Variants in FGGY observed in about 807,000 individuals in gnomAD.
FGGY encodes the protein FGGY carbohydrate kinase domain containing, also known as FGGY carbohydrate kinase domain-containing protein.
In FGGY, 72 loss-of-function variants were observed where a neutral mutation model predicts 71.3. That is an observed-to-expected ratio of 1.01 (90% CI 0.84 to 1.23). The LOEUF (loss-of-function observed/expected upper bound fraction) is 1.23. Ranked by LOEUF, FGGY falls within the 50% of genes most tolerant of loss-of-function variation. The pLI is 0.00. For missense variants in FGGY, 668 were observed against 682.3 expected, an observed-to-expected ratio of 0.98 and a Z score of 0.23; for synonymous variants, 251 against 250.3, an observed-to-expected ratio of 1.00 and a Z score of -0.02.
In FGGY at chr1:59,583,989, T is replaced by C. The variant is rs148019230; in HGVS notation, c.904-23814T>C. On this transcript the variant is annotated intron_variant, in intron 8 of 15. Transcript: ENST00000303721. ...TTTGTTCCTGGACTACTCAGGTGGT[T>C]TAAAAGACCAGGTGAAATTGAGGCA... is the stretch of plus-strand genomic sequence containing the variant. Among the ~76,000 whole-genome samples, 5 of 115,354 alleles carry C rather than the reference T, an allele frequency of 4.3e-5. 1 individual carries two copies. The highest frequency in any genetic ancestry group is 7.4e-5 in the Non-Finnish European group (4 of 54,234). The allele number at this position is 115,354 out of a possible 152,430, so 75.7% of individuals were successfully genotyped here. A position where few individuals can be genotyped will look rare whatever the true frequency, so the allele number is the denominator to read the frequency against.
chr1:59,325,491 C>A (rs1031098423), intron 2 of FGGY, among the ~76,000 whole-genome samples: 12 of 152,230 alleles, frequency 7.9e-5, no homozygotes, highest in East Asian at 1.9e-4. Context: ...GGGTGAGAAG[C>A]CCCTCTCTAC....
At chr1:59,381,665 G>GT (rs902860213) in intron 5 of FGGY, among the ~76,000 whole-genome samples, 4 of 140,470 alleles carry the variant, frequency 2.8e-5, no homozygotes, top group Non-Finnish European at 6.0e-5. Flanking sequence ...GTGTGTGTGT[G>GT]TGTGTATATT....
intron 8 of FGGY, among the ~76,000 whole-genome samples, chr1:59,557,711 G>T (rs1571242173): frequency 6.6e-6 from 1 of 152,290 alleles, no homozygotes; most frequent in East Asian, 1.9e-4. Context: ...CACAGCAGGG[G>T]TTAGCCAGAG....
At chr1:59,760,591 A>C (rs1341922594) in intron 15 of FGGY, among the ~76,000 whole-genome samples, 2 of 152,252 alleles carry the variant, frequency 1.3e-5, no homozygotes, top group African/African-American at 2.4e-5. Flanking sequence ...TGATATGTGC[A>C]TACAATGGAG....
chr1:59,472,375 G>A (rs904848812), intron 6 of FGGY, among the ~76,000 whole-genome samples: 2 of 152,204 alleles, frequency 1.3e-5, no homozygotes, highest in South Asian at 4.1e-4. Flanking sequence ...CCCCTGTTCC[G>A]TGGGCTCCTG....
intron 7 of FGGY, among the ~76,000 whole-genome samples, chr1:59,531,144 T>G (rs2095131683): frequency 6.6e-6 from 1 of 152,210 alleles, no homozygotes; most frequent in East Asian, 1.9e-4. Context: ...AAGCAGAGTC[T>G]ATGTGTCAGG....
At chr1:59,533,454 A>G (rs988038319) in intron 7 of FGGY, among the ~76,000 whole-genome samples, 3 of 152,226 alleles carry the variant, frequency 2.0e-5, no homozygotes, top group African/African-American at 4.8e-5. Flanking sequence ...AGGCTTGCTT[A>G]GGTAAGCAAA....
chr1:59,500,558 T>A (rs1229197105), intron 6 of FGGY, among the ~76,000 whole-genome samples: 1 of 151,754 alleles, frequency 6.6e-6, no homozygotes, highest in East Asian at 1.9e-4. Flanking sequence ...AAGTGCCTTT[T>A]TTGCAAGGCC....
chr1:59,709,860 A>G (rs2097781890), intron 14 of FGGY, among the ~76,000 whole-genome samples: 1 of 152,196 alleles, frequency 6.6e-6, no homozygotes. Context: ...AAGGCTTTCC[A>G]AATTCTACAT....
At chr1:59,537,700 A>G (rs1029652138) in intron 7 of FGGY, among the ~76,000 whole-genome samples, 2 of 151,988 alleles carry the variant, frequency 1.3e-5, no homozygotes, top group Admixed American at 6.6e-5. Flanking sequence ...CCGCATATCT[A>G]CAACTATCTG....
chr1:59,363,697 T>A (rs1471644723), intron 4 of FGGY, among the ~76,000 whole-genome samples: 1 of 152,190 alleles, frequency 6.6e-6, no homozygotes, highest in Non-Finnish European at 1.5e-5. Flanking sequence ...ACTGTGGAGA[T>A]GCTGACAGGT....
rs751037892 is a variant in FGGY, at chr1:59,757,935, CAATGGCAAA to C, written c.1522_1530del (p.Ala508_Met510del). 3.1e-6 allele frequency: 5 copies of C among 1,612,216 alleles called. No individual in the cohort carries two copies. The South Asian group carries it at 4.4e-5, about 14-fold the overall frequency. ...ATGTTGTTTTCCATTTAATAGGAAGCAATGGCAAAAATGAGCAAAGTTGGGAAAGTTGTG... is the reference window on the plus strand; with the variant it reads ...ATGTTGTTTTCCATTTAATAGGAAGCAATGAGCAAAGTTGGGAAAGTTGTG... On this transcript the variant is annotated inframe_deletion, in exon 15 of 16. Transcript: ENST00000303721.
chr1:59,462,785 A>G (rs1396221150), intron 6 of FGGY, among the ~76,000 whole-genome samples: 4 of 152,100 alleles, frequency 2.6e-5, no homozygotes, highest in Non-Finnish European at 4.4e-5. Context: ...TTAGAATGGC[A>G]GTCATTAAAA....
chr1:59,381,506 G>T (rs2059440310), intron 5 of FGGY, among the ~76,000 whole-genome samples: 2 of 151,902 alleles, frequency 1.3e-5, no homozygotes, highest in African/African-American at 4.8e-5. Flanking sequence ...GCCTACACAG[G>T]GTCAGGATCA....
At chr1:59,535,511 C>G (rs1453401731) in intron 7 of FGGY, among the ~76,000 whole-genome samples, 3 of 152,150 alleles carry the variant, frequency 2.0e-5, no homozygotes, top group Admixed American at 6.5e-5. Flanking sequence ...CTCTCCACCC[C>G]AAATCAACAG....
chr1:59,478,864 AG>A (rs1299875300), intron 6 of FGGY, among the ~76,000 whole-genome samples: 1 of 152,150 alleles, frequency 6.6e-6, no homozygotes, highest in Non-Finnish European at 1.5e-5. Flanking sequence ...GGAGATAATG[AG>A]GAGATTTTAC....
At chr1:59,532,945 CTATTT>C (rs71046333) in intron 7 of FGGY, among the ~76,000 whole-genome samples, 3,760 of 152,242 alleles carry the variant, frequency 0.025, 83 homozygotes, top group South Asian at 0.074. Flanking sequence ...ATACAAAACT[CTATTT>C]TATTTCTCTA....
At position 59,306,316 on chromosome 1, in the gene FGGY, A is replaced by G. The variant is rs1036619434; in HGVS notation, c.-15+9166A>G. Reference sequence around the variant, plus strand: ...ATAAAGGGGAACTTTTACCACTTCAAGGTGCTAAGAGCATGGTGAAGGAAG... The same window carrying G: ...ATAAAGGGGAACTTTTACCACTTCAGGGTGCTAAGAGCATGGTGAAGGAAG... On this transcript the variant is annotated intron_variant, in intron 1 of 15. Coordinates refer to ENST00000303721, the MANE Select transcript of FGGY (RefSeq NM_018291.5). 7.2e-5 allele frequency among the ~76,000 whole-genome samples: 11 copies of G among 152,320 alleles called. 1 individual carries two copies. In the South Asian group the frequency reaches 1.5e-3, roughly 20 times the overall value.
chr1:59,577,277 G>C (rs915271889), intron 8 of FGGY, among the ~76,000 whole-genome samples: 3 of 152,122 alleles, frequency 2.0e-5, no homozygotes, highest in African/African-American at 7.2e-5. Context: ...GGTGGTTAAA[G>C]ATGATTTAAT....
Sources: gnomAD v4.1 joint callset for allele counts (sites outside exome capture counted in the v4.1 genomes callset) on GRCh38, gnomAD v4.1.1 for gene constraint, MANE v1.5 for transcripts, NCBI Gene and HGNC (gene_info 2026-07-23, HGNC 2026-07-21) for gene names.